ALPK1: variants seen among roughly 807,000 people sequenced by gnomAD.
The protein encoded by ALPK1 is alpha kinase 1.
ALPK1 carries 110 observed loss-of-function variants against 120.6 expected under a neutral mutation model. That is an observed-to-expected ratio of 0.91 (90% CI 0.78 to 1.07). The LOEUF (loss-of-function observed/expected upper bound fraction) is 1.07. Ranked by LOEUF, ALPK1 falls within the 50% of genes least tolerant of loss-of-function variation. The pLI is 0.00. For missense variants in ALPK1, 1,498 were observed against 1,483.9 expected, an observed-to-expected ratio of 1.01 and a Z score of -0.16; for synonymous variants, 582 against 560.3, an observed-to-expected ratio of 1.04 and a Z score of -0.55.
At chr4:112,339,970 T>A (rs1251888287) in intron 2 of ALPK1, among the ~76,000 whole-genome samples, 1 of 152,132 alleles carries the variant, frequency 6.6e-6, no homozygotes, top group Non-Finnish European at 1.5e-5. Context: ...ATCAGCATAA[T>A]ATCGTCTCTT....
intron 1 of ALPK1, among the ~76,000 whole-genome samples, chr4:112,312,082 G>T (rs1340692730): frequency 1.3e-5 from 2 of 152,006 alleles, no homozygotes; most frequent in African/African-American, 4.8e-5. Context: ...GCTAAATTTT[G>T]AAAACTTATA....
intron 3 of ALPK1, among the ~76,000 whole-genome samples, chr4:112,378,255 C>T (rs926314270): frequency 1.3e-5 from 2 of 152,082 alleles, no homozygotes; most frequent in African/African-American, 4.8e-5. Context: ...TACTTTTTTT[C>T]AAACTAGGAT....
intron 2 of ALPK1, among the ~76,000 whole-genome samples, chr4:112,324,468 G>T (rs1359689255): frequency 6.6e-6 from 1 of 151,186 alleles, no homozygotes; most frequent in Non-Finnish European, 1.5e-5. Flanking sequence ...TTGTTTGTTT[G>T]TTTTGTTTTG....
chr4:112,441,977 GAA>G lies in ALPK1; in HGVS notation c.*770_*771del, dbSNP rs1436808765. ...TACCTGAGACTGGGTAATTTAGAAA[GAA>G]AAGAGGTTTAATTAACTCACAGTTC... is the stretch of plus-strand genomic sequence containing the variant. On this transcript the variant is annotated 3_prime_UTR_variant, in exon 16 of 16. Coordinates refer to ENST00000650871, the MANE Select transcript of ALPK1 (RefSeq NM_025144.4). 1 of 152,574 alleles carries G rather than the reference GAA, an allele frequency of 6.6e-6. No homozygotes were observed. The highest frequency in any genetic ancestry group is 1.5e-5 in the Non-Finnish European group (1 of 68,386). 9.5% of individuals were successfully genotyped at this position (152,574 alleles called of 1,614,324 possible).
intron 11 of ALPK1, among the ~76,000 whole-genome samples, chr4:112,433,314 G>C (rs1331248917): frequency 6.6e-6 from 1 of 152,160 alleles, no homozygotes; most frequent in Non-Finnish European, 1.5e-5. Flanking sequence ...CCTTTTCTCT[G>C]TGTCCTCACA....
At chr4:112,429,839 C>CAAAAA (rs756983786) in intron 10 of ALPK1, among the ~76,000 whole-genome samples, 19 of 39,936 alleles carry the variant, frequency 4.8e-4, no homozygotes, top group Admixed American at 1.5e-3. Context: ...GACCCTACCT[C>CAAAAA]AAAAAAAAAA....
chr4:112,306,791 A>G (rs1045942914), intron 1 of ALPK1, among the ~76,000 whole-genome samples: 8 of 151,908 alleles, frequency 5.3e-5, no homozygotes, highest in African/African-American at 1.9e-4. Flanking sequence ...GCCTTCTGCT[A>G]GCTTTTGAAT....
At chr4:112,425,806 A>G (rs1012447959) in intron 7 of ALPK1, 55 bp downstream of exon 7, 163 of 1,419,792 alleles carry the variant, frequency 1.1e-4, no homozygotes, top group Non-Finnish European at 1.6e-4. Context: ...GCCTGGCTGC[A>G]TGGTTTCACT....
intron 2 of ALPK1, among the ~76,000 whole-genome samples, chr4:112,367,989 G>A (rs1486944327): frequency 6.6e-6 from 1 of 152,010 alleles, no homozygotes; most frequent in Non-Finnish European, 1.5e-5. Flanking sequence ...CCAACCTCTG[G>A]CTCCCAGGTT....
At chr4:112,345,143 C>T (rs1205905047) in intron 2 of ALPK1, among the ~76,000 whole-genome samples, 1 of 152,156 alleles carries the variant, frequency 6.6e-6, no homozygotes, top group Non-Finnish European at 1.5e-5. Context: ...CTCTGATTTC[C>T]CAAGACAGTG....
Position 112,412,321 on chromosome 4 carries a change from A to T in ALPK1, c.475+296A>T, listed in dbSNP as rs992441100. ...CAAATCTGTCCTGCTGCTTTCAAAC[A>T]GGGGTATCTGAATTGCTATACTTCT... On this transcript the variant is annotated intron_variant, in intron 5 of 15. Transcript: ENST00000650871. 7.1e-6 allele frequency: 4 copies of T among 566,536 alleles called. No individual in the cohort carries two copies. The African/African-American group carries it at 7.4e-5, about 10-fold the overall frequency. 35.1% of individuals were successfully genotyped at this position (566,536 alleles called of 1,614,324 possible). A position where few individuals can be genotyped will look rare whatever the true frequency, so the allele number is the denominator to read the frequency against.
intron 2 of ALPK1, chr4:112,359,393 G>A: frequency 3.0e-6 from 1 of 332,702 alleles, no homozygotes; most frequent in Non-Finnish European, 5.8e-6. Context: ...TGGCTGCCCT[G>A]ACCACTGCGA....
At chr4:112,354,903 A>C (rs1379679709) in intron 2 of ALPK1, among the ~76,000 whole-genome samples, 4 of 152,148 alleles carry the variant, frequency 2.6e-5, no homozygotes, top group African/African-American at 9.7e-5. Context: ...TTATTCTTGA[A>C]CTGTTTTTCC....
In ALPK1 at chr4:112,441,970, T is replaced by G. The variant is rs1179403774; in HGVS notation, c.*760T>G. On this transcript the variant is annotated 3_prime_UTR_variant, in exon 16 of 16. Coordinates refer to ENST00000650871, the MANE Select transcript of ALPK1 (RefSeq NM_025144.4). Reference sequence around the variant, plus strand: ...GAAGAGATACCTGAGACTGGGTAATTTAGAAAGAAAAGAGGTTTAATTAAC... The same window carrying G: ...GAAGAGATACCTGAGACTGGGTAATGTAGAAAGAAAAGAGGTTTAATTAAC... The G allele has an allele frequency of 6.6e-6, 1 of 152,316 alleles. No individual in the cohort carries two copies. The highest frequency in any genetic ancestry group is 1.5e-5 in the Non-Finnish European group (1 of 68,198). 9.4% of individuals were successfully genotyped at this position (152,316 alleles called of 1,614,324 possible).
chr4:112,305,828 G>C (rs2110524165), intron 1 of ALPK1, among the ~76,000 whole-genome samples: 1 of 152,172 alleles, frequency 6.6e-6, no homozygotes, highest in African/African-American at 2.4e-5. Flanking sequence ...TCTTGTGCCA[G>C]TTTTCAAAGG....
chr4:112,402,843 C>T (rs183305530), intron 4 of ALPK1, among the ~76,000 whole-genome samples: 1 of 152,228 alleles, frequency 6.6e-6, no homozygotes, highest in African/African-American at 2.4e-5. Context: ...TATGTTCATC[C>T]CAACACTAAA....
intron 11 of ALPK1, 23 bp from the exon 12 acceptor site, chr4:112,435,107 CTTTTGAAAATAAGATTCA>C: frequency 2.5e-6 from 4 of 1,584,398 alleles, no homozygotes; most frequent in Non-Finnish European, 3.4e-6. Flanking sequence ...TTGTAACGTC[CTTTTGAAAATAAGATTCA>C]TTTTCATCTT....
At chr4:112,347,429 A>T (rs1220357469) in intron 2 of ALPK1, among the ~76,000 whole-genome samples, 5 of 152,238 alleles carry the variant, frequency 3.3e-5, no homozygotes, top group Non-Finnish European at 7.3e-5. Context: ...AAGTCATATC[A>T]TCAACCCGAT....
intron 1 of ALPK1, among the ~76,000 whole-genome samples, chr4:112,303,380 A>T (rs1032745314): frequency 6.6e-6 from 1 of 152,208 alleles, no homozygotes; most frequent in Non-Finnish European, 1.5e-5. Context: ...TTATATTGCT[A>T]TCTGGCACTA....
Sources: allele counts gnomAD v4.1 joint callset (sites outside exome capture counted in the v4.1 genomes callset), GRCh38; gene constraint gnomAD v4.1.1; transcripts MANE v1.5; gene names NCBI Gene and HGNC (gene_info 2026-07-23, HGNC 2026-07-21).